SEC22B: variants seen among roughly 807,000 people sequenced by gnomAD.
SEC22B encodes vesicle-trafficking protein SEC22b.
Under a neutral mutation model 31.4 loss-of-function variants are expected in SEC22B, and 10 were observed. The observed-to-expected ratio is 0.32, with a 90% CI of 0.20 to 0.54. The LOEUF is 0.54. SEC22B is among the 20% of genes least tolerant of loss of function. SEC22B has a pLI of 0.94. For synonymous variants in SEC22B, 60 were observed against 95.9 expected (o/e 0.63, Z 2.19); for missense variants, 130 against 263.4 (o/e 0.49, Z 3.50).
rs1427636583 is a variant in SEC22B at position 120,156,968 on chromosome 1, G to A, written c.*70C>T. 6 of 557,704 alleles carry A rather than the reference G, an allele frequency of 1.1e-5. No homozygotes were observed. Among genetic ancestry groups the A allele is most frequent in the African/African-American group, 9.5e-5 (5 of 52,774 alleles). The allele number at this position is 557,704 out of a possible 1,614,324, so 34.5% of individuals were successfully genotyped here. ...TGGATTCTAATACACATCTCTGTGA[G>A]CTCAGTTTCCTGAAAATATACACCT... On this transcript the variant is annotated 3_prime_UTR_variant, in exon 5 of 5. Coordinates refer to ENST00000578049, the MANE Select transcript of SEC22B (RefSeq NM_004892.6).
chr1:120,171,995 T>A (rs1657902429), intron 1 of SEC22B, among the ~76,000 whole-genome samples: 1 of 146,260 alleles, frequency 6.8e-6, no homozygotes, highest in Non-Finnish European at 1.5e-5. Context: ...GTAATCCCAG[T>A]ACTTTGCGAG....
At chr1:120,175,425 T>A (rs1657940997) in intron 1 of SEC22B, among the ~76,000 whole-genome samples, 1 of 141,854 alleles carries the variant, frequency 7.0e-6, no homozygotes. Context: ...AAGGTTTTAC[T>A]TAGACTGTAT....
intron 4 of SEC22B, 86 bp from the exon 5 acceptor site, chr1:120,157,278 C>G: frequency 2.1e-6 from 2 of 949,342 alleles, no homozygotes; most frequent in Non-Finnish European, 2.9e-6. Flanking sequence ...ATGAGCAGCA[C>G]TGCAACAACC....
chr1:120,169,753 G>C (rs1476399568), intron 1 of SEC22B, among the ~76,000 whole-genome samples: 1 of 144,668 alleles, frequency 6.9e-6, no homozygotes, highest in East Asian at 2.0e-4. Context: ...GATCCAACAG[G>C]GAAAGGAAGT....
At chr1:120,165,739 T>C (rs1384399821) in intron 2 of SEC22B, among the ~76,000 whole-genome samples, 1 of 152,126 alleles carries the variant, frequency 6.6e-6, no homozygotes, top group East Asian at 1.9e-4. Flanking sequence ...TGCTTTGAAG[T>C]CTTTGCCATA....
chr1:120,166,600 TAG>T (rs1382481358), intron 2 of SEC22B, among the ~76,000 whole-genome samples: 1 of 144,766 alleles, frequency 6.9e-6, no homozygotes, highest in Non-Finnish European at 1.5e-5. Flanking sequence ...CTCATGGAAG[TAG>T]AGAGTAGAAT....
chr1:120,166,715 G>T (rs1292933934), intron 2 of SEC22B, among the ~76,000 whole-genome samples: 158 of 149,792 alleles, frequency 1.1e-3, no homozygotes, highest in African/African-American at 3.8e-3. Context: ...GAGTTCTGGT[G>T]TTCTGCAGAA....
chr1:120,156,999 G>A lies in SEC22B; in HGVS notation c.*39C>T. The stretch of plus-strand genomic sequence containing the variant: ...TTTCCTGAAAATATACACCTACTGG[G>A]TTCTAGGTTCTCCCTTACCAGTGAC... On this transcript the variant is annotated 3_prime_UTR_variant, in exon 5 of 5. Coordinates refer to ENST00000578049, the MANE Select transcript of SEC22B (RefSeq NM_004892.6). 2 of 852,218 alleles carry A rather than the reference G, an allele frequency of 2.3e-6. No homozygotes were observed. The highest frequency in any genetic ancestry group is 2.8e-5 in the East Asian group (1 of 36,036). 52.8% of individuals were successfully genotyped at this position (852,218 alleles called of 1,614,324 possible).
In SEC22B at chr1:120,176,398, G is replaced by T; in HGVS notation, c.-17C>A. 6.2e-7 allele frequency: 1 copy of T among 1,612,714 alleles called. No individual in the cohort carries two copies. Among genetic ancestry groups the T allele is most frequent in the Non-Finnish European group, 8.5e-7 (1 of 1,179,050 alleles). ...CAACACCATCTTCACAAACTACAGG[G>T]ATCCAACACTGGCCCGGAAGGCCCT... On this transcript the variant is annotated 5_prime_UTR_variant, in exon 1 of 5. Transcript: ENST00000578049.
At chr1:120,166,509 G>A (rs1222816361) in intron 2 of SEC22B, among the ~76,000 whole-genome samples, 3 of 141,454 alleles carry the variant, frequency 2.1e-5, no homozygotes, top group East Asian at 4.1e-4. Context: ...AGGACATTAA[G>A]TTAAATAAAA....
At chr1:120,160,075 CATT>C (rs1489594012) in intron 4 of SEC22B, among the ~76,000 whole-genome samples, 4 of 141,020 alleles carry the variant, frequency 2.8e-5, no homozygotes, top group South Asian at 4.3e-4. Context: ...TGCAATACAT[CATT>C]GAGTTTTCTC....
At chr1:120,168,309 A>G (rs1476305977) in intron 2 of SEC22B, among the ~76,000 whole-genome samples, 32,689 of 147,218 alleles carry the variant, frequency 0.22, 6,070 homozygotes, top group African/African-American at 0.52. Context: ...CAGCTGTATC[A>G]TTTATAACCA....
At chr1:120,167,105 TA>T (rs1657825381) in intron 2 of SEC22B, among the ~76,000 whole-genome samples, 1 of 150,762 alleles carries the variant, frequency 6.6e-6, no homozygotes. Context: ...ACAGCTGTCT[TA>T]TTCCTTGCTT....
In SEC22B at chr1:120,153,696, T is replaced by C. The variant is rs1259674852; in HGVS notation, c.*3342A>G. 1 of 107,748 alleles carries C rather than the reference T, an allele frequency of 9.3e-6. No homozygotes were observed. The highest frequency in any genetic ancestry group is 1.7e-5 in the Non-Finnish European group (1 of 57,942). The allele number at this position is 107,748 out of a possible 1,614,324, so 6.7% of individuals were successfully genotyped here. ...TTGTAGAATTCTTCCAAGTCACAGA[T>C]GGAGTTTTCAAGGCTCTGGGTACTT... On this transcript the variant is annotated 3_prime_UTR_variant, in exon 5 of 5. Coordinates refer to ENST00000578049, the MANE Select transcript of SEC22B (RefSeq NM_004892.6).
rs1557892573 is a variant in SEC22B at position 120,154,141 on chromosome 1, A to G, written c.*2897T>C. 1 of 151,958 alleles carries G rather than the reference A, an allele frequency of 6.6e-6. No homozygotes were observed. The highest frequency in any genetic ancestry group is 1.5e-5 in the Non-Finnish European group (1 of 67,936). The allele number at this position is 151,958 out of a possible 1,614,324, so 9.4% of individuals were successfully genotyped here. ...CTTCTGTCTCCAGTGCTCTGGAATTACTTCTGCCTGTATGATTAAGTTCCT... is the reference window on the plus strand; with the variant it reads ...CTTCTGTCTCCAGTGCTCTGGAATTGCTTCTGCCTGTATGATTAAGTTCCT... On this transcript the variant is annotated 3_prime_UTR_variant, in exon 5 of 5. Coordinates refer to ENST00000578049, the MANE Select transcript of SEC22B (RefSeq NM_004892.6).
rs1657635886 is a variant in SEC22B, at chr1:120,156,837, CG to C, written c.*200del. On this transcript the variant is annotated 3_prime_UTR_variant, in exon 5 of 5. Transcript: ENST00000578049. ...GGCACCCAGAGAAAGCCTCTGCCCC[CG>C]AAAGAGACTTTCTACATAGGGTTAA... 2 of 381,556 alleles carry C rather than the reference CG, an allele frequency of 5.2e-6. No homozygotes were observed. The highest frequency in any genetic ancestry group is 9.3e-6 in the Non-Finnish European group (2 of 215,310). 23.6% of individuals were successfully genotyped at this position (381,556 alleles called of 1,614,324 possible). A position where few individuals can be genotyped will look rare whatever the true frequency, so the allele number is the denominator to read the frequency against.
At chr1:120,171,745 G>T (rs1161879626) in intron 1 of SEC22B, among the ~76,000 whole-genome samples, 70 of 127,756 alleles carry the variant, frequency 5.5e-4, no homozygotes, top group Admixed American at 5.0e-4. Flanking sequence ...TATGTTTAAG[G>T]TCATCCACCA....
intron 1 of SEC22B, among the ~76,000 whole-genome samples, chr1:120,169,501 A>G (rs1411515155): frequency 4.6e-5 from 7 of 152,296 alleles, no homozygotes; most frequent in African/African-American, 1.7e-4. Context: ...GATGTCAGAT[A>G]CCCTTTACTG....
intron 2 of SEC22B, among the ~76,000 whole-genome samples, chr1:120,164,715 G>A (rs1657779077): frequency 6.6e-6 from 1 of 152,190 alleles, no homozygotes; most frequent in Admixed American, 6.6e-5. Flanking sequence ...GAATAGTGCT[G>A]CAATGAATAT....
Sources: allele counts gnomAD v4.1 joint callset (sites outside exome capture counted in the v4.1 genomes callset), GRCh38; gene constraint gnomAD v4.1.1; transcripts MANE v1.5; gene names NCBI Gene and HGNC (gene_info 2026-07-23, HGNC 2026-07-21).